Variants in ZNF433 observed in about 807,000 individuals in gnomAD.
ZNF433 encodes the protein zinc finger protein 433.
ZNF433 carries 12 observed loss-of-function variants against 10.6 expected under a neutral mutation model. That is an observed-to-expected ratio of 1.13 (90% CI 0.72 to 1.83). The LOEUF (loss-of-function observed/expected upper bound fraction) is 1.83. ZNF433 is among the 40% of genes most tolerant of loss of function. ZNF433 has a pLI of 0.00. For synonymous variants in ZNF433, 272 were observed against 271.3 expected (o/e 1.00, Z -0.02); for missense variants, 737 against 798.0 (o/e 0.92, Z 0.92).
chr19:12,015,029 G>T lies in ZNF433; in HGVS notation c.1829C>A (p.Thr610Asn). The T allele has an allele frequency of 6.2e-7, 1 of 1,613,978 alleles. No individual in the cohort carries two copies. Among genetic ancestry groups the T allele is most frequent in the East Asian group, 2.2e-5 (1 of 44,872 alleles). Residue 610 changes from threonine (T) to asparagine (N), a missense_variant, in exon 4 of 4, where the codon ACT (threonine) becomes AAT (asparagine). Physicochemically the swap from Thr to Asn is moderately conservative, Grantham distance 65 (BLOSUM62 0). Coordinates refer to ENST00000550507, the MANE Select transcript of ZNF433 (RefSeq NM_001308348.2). ...CTTACATTTATACGGTTTCTCTCCA[G>T]TGTGAGTCCTTCCATGCATTTGAAG... ...SRLQMHGRTH[T>N]GEKPYKCKQC...
chr19:12,019,384 C>CA (rs1207889732), intron 1 of ZNF433, among the ~76,000 whole-genome samples: 1 of 152,174 alleles, frequency 6.6e-6, no homozygotes, highest in African/African-American at 2.4e-5. Flanking sequence ...CATGCCACTG[C>CA]ACTCCAGCTT....
chr19:12,027,567 G>T (rs1974800490), intron 1 of ZNF433, among the ~76,000 whole-genome samples: 1 of 152,230 alleles, frequency 6.6e-6, no homozygotes. Flanking sequence ...TCCTGCTGCA[G>T]ATAACTAGCC....
At chr19:12,025,264 A>C (rs756589077) in intron 1 of ZNF433, 1 of 152,204 alleles carries the variant, frequency 6.6e-6, no homozygotes, top group Non-Finnish European at 1.5e-5. Flanking sequence ...CCATTAGCTG[A>C]AAATGCTCAG....
rs923852229 is a variant in ZNF433, at chr19:12,035,635, G to C, written c.-96C>G. ...CACCTGAACCCTCTCGGAGGGGAAAGCCAGGCTCCCAACCTCAGCTCGCCG... is the reference window on the plus strand; with the variant it reads ...CACCTGAACCCTCTCGGAGGGGAAACCCAGGCTCCCAACCTCAGCTCGCCG... On this transcript the variant is annotated 5_prime_UTR_variant, in exon 1 of 4. Transcript: ENST00000550507. 1 of 1,504,030 alleles carries C rather than the reference G, an allele frequency of 6.6e-7. No homozygotes were observed. The highest frequency in any genetic ancestry group is 2.1e-5 in the Admixed American group (1 of 47,438). The allele number at this position is 1,504,030 out of a possible 1,614,324, so 93.2% of individuals were successfully genotyped here.
chr19:12,024,480 A>G (rs1208667850), intron 1 of ZNF433: 2 of 152,224 alleles, frequency 1.3e-5, no homozygotes, highest in African/African-American at 4.8e-5. Flanking sequence ...AAAACATTAA[A>G]TGACTTTCAA....
At chr19:12,022,002 T>A (rs528298833) in intron 1 of ZNF433, 19 of 456,340 alleles carry the variant, frequency 4.2e-5, no homozygotes, top group Non-Finnish European at 7.9e-5. Context: ...GATAGAGACT[T>A]AGGTGTTGGG....
In ZNF433 at chr19:12,015,544, A is replaced by C; in HGVS notation, c.1314T>G (p.Gly438=). Residue 438 remains glycine, a synonymous_variant, in exon 4 of 4, where the codon GGT becomes GGG. Transcript: ENST00000550507. ...AGGGTTTCTCTCCCGTGTGAGTCCT[A>C]CCATGTGTTTGAAGGAGTGAGGCAG... The part of the protein sequence containing the change: ...FRSASLLQTH[G]RTHTGEKPYA... 6.3e-7 allele frequency: 1 copy of C among 1,596,924 alleles called. No homozygotes were observed. The highest frequency in any genetic ancestry group is 1.1e-5 in the South Asian group (1 of 89,396).
At chr19:12,018,435 C>T (rs911745377) in intron 1 of ZNF433, 143 bp from the exon 2 acceptor site, 193 of 919,982 alleles carry the variant, frequency 2.1e-4, no homozygotes, top group Non-Finnish European at 2.8e-4. Flanking sequence ...TCTCTGTCTA[C>T]ACTCAGTTTC....
At chr19:12,028,181 TGAAGTACCATAGGAA>T (rs1465729034) in intron 1 of ZNF433, among the ~76,000 whole-genome samples, 1 of 152,074 alleles carries the variant, frequency 6.6e-6, no homozygotes, top group Non-Finnish European at 1.5e-5. Flanking sequence ...TACATAGGAC[TGAAGTACCATAGGAA>T]GAACTGTGAC....
Position 12,015,014 on chromosome 19 carries a change from T to C in ZNF433, c.1844A>G (p.Tyr615Cys), listed in dbSNP as rs376802263. 1.2e-6 allele frequency: 2 copies of C among 1,614,122 alleles called. No individual in the cohort carries two copies. Among genetic ancestry groups the C allele is most frequent in the Admixed American group, 1.7e-5 (1 of 60,012 alleles). ...HGRTHTGEKPYKCKQCGKAFG... is the reference protein window; with the variant it reads ...HGRTHTGEKPCKCKQCGKAFG... ...AGCTTTCCCACATTGCTTACATTTA[T>C]ACGGTTTCTCTCCAGTGTGAGTCCT... Residue 615 changes from tyrosine to cysteine, a missense_variant, in exon 4 of 4, where the codon TAT (tyrosine) becomes TGT (cysteine). Transcript: ENST00000550507.
At chr19:12,017,527 A>T (rs1974270221) in intron 3 of ZNF433, among the ~76,000 whole-genome samples, 1 of 151,520 alleles carries the variant, frequency 6.6e-6, no homozygotes, top group Non-Finnish European at 1.5e-5. Flanking sequence ...TTTAAAGTAA[A>T]CTATTTTACA....
At position 12,034,698 on chromosome 19, in the gene ZNF433, T is replaced by A. The variant is rs1211207286; in HGVS notation, c.3+839A>T. 1.2e-5 allele frequency: 5 copies of A among 417,102 alleles called. No homozygotes were observed. The East Asian group carries it at 2.9e-4, about 24-fold the overall frequency. 25.8% of individuals were successfully genotyped at this position (417,102 alleles called of 1,614,324 possible). On this transcript the variant is annotated intron_variant, in intron 1 of 3. Coordinates refer to ENST00000550507, the MANE Select transcript of ZNF433 (RefSeq NM_001308348.2). Reference sequence around the variant, plus strand: ...CAGACCCTCTTCACTTAAGCAATCCTTCCTACCGCCTCGAAGTTTTAGACA... The same window carrying A: ...CAGACCCTCTTCACTTAAGCAATCCATCCTACCGCCTCGAAGTTTTAGACA...
intron 1 of ZNF433, 108 bp downstream of exon 1, chr19:12,035,429 C>T (rs978894639): frequency 2.3e-5 from 34 of 1,481,304 alleles, no homozygotes; most frequent in Non-Finnish European, 2.9e-5. Context: ...GAAATCGGGT[C>T]CCAGACCCCG....
Position 12,015,848 on chromosome 19 carries a change from C to T in ZNF433, c.1010G>A (p.Cys337Tyr). 4 of 1,614,092 alleles carry T rather than the reference C, an allele frequency of 2.5e-6. No homozygotes were observed. Among genetic ancestry groups the T allele is most frequent in the Non-Finnish European group, 3.4e-6 (4 of 1,180,026 alleles). ...RTHSRKKPYE[C>Y]KHCGKVLSYL... The stretch of plus-strand genomic sequence containing the variant: ...AGATAATACTTTCCCACAATGTTTA[C>T]ATTCATAGGGTTTTTTCCTAGAGTG... Residue 337 changes from cysteine (C) to tyrosine (Y), a missense_variant, in exon 4 of 4, where the codon TGT becomes TAT. By Grantham distance (194) the Cys-to-Tyr change is radical. Transcript: ENST00000550507.
chr19:12,033,974 T>C (rs137941315), intron 1 of ZNF433, among the ~76,000 whole-genome samples: 168 of 152,308 alleles, frequency 1.1e-3, no homozygotes, highest in African/African-American at 3.7e-3. Flanking sequence ...GGGTTTGAGA[T>C]CTCACTTCCC....
At chr19:12,035,011 AT>A in intron 1 of ZNF433, 2 of 367,180 alleles carry the variant, frequency 5.4e-6, no homozygotes, top group Non-Finnish European at 5.5e-6. Flanking sequence ...ACAGCTTGGC[AT>A]TTTCCGTTAA....
intron 1 of ZNF433, chr19:12,023,384 A>G (rs952323223): frequency 1.3e-5 from 2 of 152,210 alleles, no homozygotes; most frequent in African/African-American, 4.8e-5. Flanking sequence ...TCAAATTGTT[A>G]TAGCTACTTC....
intron 1 of ZNF433, among the ~76,000 whole-genome samples, chr19:12,020,671 C>T (rs1291169959): frequency 6.6e-6 from 1 of 152,062 alleles, no homozygotes; most frequent in Non-Finnish European, 1.5e-5. Context: ...AATCCCAGCA[C>T]TTTGGGAGGC....
chr19:12,017,566 G>GT (rs1974272057), intron 3 of ZNF433, among the ~76,000 whole-genome samples: 1 of 150,160 alleles, frequency 6.7e-6, no homozygotes, highest in Admixed American at 6.6e-5. Context: ...TTTTAAATTT[G>GT]TTTTTTGGGT....
Sources: gnomAD v4.1 joint callset for allele counts (sites outside exome capture counted in the v4.1 genomes callset) on GRCh38, gnomAD v4.1.1 for gene constraint, MANE v1.5 for transcripts, NCBI Gene and HGNC (gene_info 2026-07-23, HGNC 2026-07-21) for gene names.